TBK1: variants seen among roughly 807,000 people sequenced by gnomAD.
TBK1 encodes TANK binding kinase 1.
In TBK1, 37 loss-of-function variants were observed where a neutral mutation model predicts 99.9. That is an observed-to-expected ratio of 0.37 (90% CI 0.28 to 0.49). The LOEUF is 0.49. Ranked by LOEUF, TBK1 falls within the 20% of genes least tolerant of loss-of-function variation. The probability of loss-of-function intolerance (pLI) is 0.98; values close to 1 mark genes in which losing one functional copy is unlikely to be tolerated. For missense variants in TBK1, 644 were observed against 872.5 expected (o/e 0.74, Z 3.30); for synonymous variants, 258 against 279.8 (o/e 0.92, Z 0.78).
rs756545042 is a variant in TBK1, at chr12:64,455,883, T to A, written c.13T>A (p.Ser5Thr). 1.9e-6 allele frequency: 3 copies of A among 1,612,992 alleles called. No individual in the cohort carries two copies. The highest frequency in any genetic ancestry group is 8.5e-7 in the Non-Finnish European group (1 of 1,179,712). ...TGATCCAGCCAAGATGCAGAGCACT[T>A]CTAATCATCTGTGGCTTTTATCTGA... MQST[S>T]NHLWLLSDIL... is the part of the protein sequence containing the mutation. Residue 5 changes from serine (S) to threonine (T), a missense_variant, in exon 2 of 21, where the codon TCT becomes ACT. Around this residue, in one of 3 missense-constraint regions of TBK1, gnomAD observed 148 missense variants for 202.1 expected, o/e 0.73. Coordinates refer to ENST00000331710, the MANE Select transcript of TBK1 (RefSeq NM_013254.4).
chr12:64,497,922 C>A, intron 19 of TBK1, 46 bp from the exon 20 acceptor site: 1 of 1,546,290 alleles, frequency 6.5e-7, no homozygotes, highest in Non-Finnish European at 8.9e-7. Context: ...CATTCTAAAA[C>A]ATTTGCATAC....
rs1413819469 is a variant in TBK1 at position 64,484,508 on chromosome 12, G to A, written c.1189+9G>A. On this transcript the variant is annotated intron_variant, in intron 9 of 20. Coordinates refer to ENST00000331710, the MANE Select transcript of TBK1 (RefSeq NM_013254.4). The stretch of plus-strand genomic sequence containing the variant: ...ATTAATATATGAAAAAAGTAAGTTG[G>A]GATTTTTCTTGTCGTTCTTACTAGC... 6.3e-7 allele frequency: 1 copy of A among 1,590,820 alleles called. No individual in the cohort carries two copies. Among genetic ancestry groups the A allele is most frequent in the African/African-American group, 1.4e-5 (1 of 73,500 alleles).
Position 64,481,920 on chromosome 12 carries a change from G to GT in TBK1, c.897dup (p.Ala300CysfsTer4), listed in dbSNP as rs1158420427. 2.5e-6 allele frequency: 4 copies of GT among 1,612,210 alleles called. No individual in the cohort carries two copies. The highest frequency in any genetic ancestry group is 3.4e-6 in the Non-Finnish European group (4 of 1,179,210). On this transcript the variant is annotated frameshift_variant, in exon 8 of 21. Coordinates refer to ENST00000331710, the MANE Select transcript of TBK1 (RefSeq NM_013254.4). LOFTEE classifies it high-confidence loss of function. ...AGGAAAAGTGTTGGGGTTTTGACCA[G>GT]TTTTTTGCAGAAACTAGTGATATAC...
chr12:64,478,133 T>C (rs2040734055), intron 6 of TBK1, among the ~76,000 whole-genome samples: 1 of 152,158 alleles, frequency 6.6e-6, no homozygotes, highest in African/African-American at 2.4e-5. Flanking sequence ...CCTTTATATA[T>C]TTGGCCCTAT....
chr12:64,481,452 A>G (rs1352709301), intron 7 of TBK1, among the ~76,000 whole-genome samples: 1 of 152,162 alleles, frequency 6.6e-6, no homozygotes, highest in Non-Finnish European at 1.5e-5. Context: ...CAGCCGTGAA[A>G]ACAACTACCA....
intron 5 of TBK1, among the ~76,000 whole-genome samples, chr12:64,469,239 C>T (rs1451173746): frequency 1.3e-5 from 2 of 151,958 alleles, no homozygotes; most frequent in African/African-American, 4.8e-5. Context: ...AGGACTCAGA[C>T]GTTTCTGGCG....
rs768072937 is a variant in TBK1, at chr12:64,501,430, CGCTTGG to C, written c.*52_*57del. On this transcript the variant is annotated 3_prime_UTR_variant, in exon 21 of 21. Transcript: ENST00000331710. ...AGTTTCCGTTTGCACAAGAAAATAACGCTTGGGCATTAAATGAATGCCTTTATAGAT... is the reference window on the plus strand; with the variant it reads ...AGTTTCCGTTTGCACAAGAAAATAACGCATTAAATGAATGCCTTTATAGAT... 1 of 1,579,934 alleles carries C rather than the reference CGCTTGG, an allele frequency of 6.3e-7. No homozygotes were observed. Among genetic ancestry groups the C allele is most frequent in the Non-Finnish European group, 8.7e-7 (1 of 1,154,424 alleles).
intron 3 of TBK1, among the ~76,000 whole-genome samples, chr12:64,462,231 C>G (rs1296588013): frequency 1.3e-5 from 2 of 152,202 alleles, no homozygotes; most frequent in African/African-American, 4.8e-5. Flanking sequence ...GGCCAGAGAT[C>G]ACTGTCCAGT....
intron 8 of TBK1, among the ~76,000 whole-genome samples, chr12:64,483,273 T>A (rs4075094): frequency 0.15 from 22,263 of 152,174 alleles, 1,935 homozygotes; most frequent in African/African-American, 0.23. Context: ...ATAAATATAT[T>A]CATTTCCTAT....
In TBK1 at chr12:64,490,136, T is replaced by C; in HGVS notation, c.1521+17T>C. On this transcript the variant is annotated intron_variant, in intron 13 of 20. Transcript: ENST00000331710. Reference sequence around the variant, plus strand: ...TTGTTGAGAGTAAGTGTTTACAAAATTACGAAATTTGTAAGCTCATAACCT... The same window carrying C: ...TTGTTGAGAGTAAGTGTTTACAAAACTACGAAATTTGTAAGCTCATAACCT... The C allele has an allele frequency of 6.3e-7, 1 of 1,582,650 alleles. No homozygotes were observed. Among genetic ancestry groups the C allele is most frequent in the Non-Finnish European group, 8.6e-7 (1 of 1,157,938 alleles).
chr12:64,454,499 G>A (rs796821322), intron 1 of TBK1, among the ~76,000 whole-genome samples: 17 of 151,904 alleles, frequency 1.1e-4, no homozygotes, highest in African/African-American at 3.4e-4. Context: ...CGCCCGCCTC[G>A]GCCTCCCAGA....
chr12:64,497,835 A>T, intron 19 of TBK1, 81 bp downstream of exon 19: 4 of 1,420,552 alleles, frequency 2.8e-6, no homozygotes, highest in Non-Finnish European at 2.9e-6. Flanking sequence ...ACATTTTGAA[A>T]TTTTTTATGT....
chr12:64,477,627 A>G (rs951304078), intron 6 of TBK1, among the ~76,000 whole-genome samples: 2 of 152,234 alleles, frequency 1.3e-5, no homozygotes, highest in Non-Finnish European at 2.9e-5. Context: ...CTGTTTTCCT[A>G]TTTGAATGCC....
chr12:64,459,085 A>G (rs945721950), intron 2 of TBK1, among the ~76,000 whole-genome samples: 1 of 152,170 alleles, frequency 6.6e-6, no homozygotes, highest in African/African-American at 2.4e-5. Flanking sequence ...GAATCTGAGG[A>G]AAGTATAAAG....
intron 8 of TBK1, 183 bp from the exon 9 acceptor site, chr12:64,484,120 T>C (rs1184812410): frequency 1.1e-5 from 5 of 470,376 alleles, no homozygotes; most frequent in African/African-American, 9.9e-5. Flanking sequence ...TAGAATTGCT[T>C]ACTGTATGGA....
intron 6 of TBK1, among the ~76,000 whole-genome samples, chr12:64,477,081 T>C (rs555691104): frequency 5.9e-5 from 9 of 152,354 alleles, no homozygotes; most frequent in African/African-American, 2.2e-4. Flanking sequence ...CTCTGCAGTA[T>C]AGTTTGAAGT....
intron 16 of TBK1, 118 bp from the exon 17 acceptor site, chr12:64,496,831 T>G: frequency 1.5e-6 from 1 of 676,074 alleles, no homozygotes. Flanking sequence ...CCTGTAAATA[T>G]TCTAAAGCCA....
intron 11 of TBK1, among the ~76,000 whole-genome samples, chr12:64,487,817 G>C (rs2040833823): frequency 6.6e-6 from 1 of 152,150 alleles, no homozygotes; most frequent in African/African-American, 2.4e-5. Context: ...ACAAAAAGCA[G>C]GCCTCAAGTC....
chr12:64,473,095 C>G lies in TBK1; in HGVS notation c.541-1135C>G, dbSNP rs554714536. ...CCTGATAGGTTTCGGGTGTGAGCAG[C>G]TAGATATGTGGTGGTATTGTTTACT... On this transcript the variant is annotated intron_variant, in intron 5 of 20. Coordinates refer to ENST00000331710, the MANE Select transcript of TBK1 (RefSeq NM_013254.4). Among the ~76,000 whole-genome samples, 20 of 152,226 alleles carry G rather than the reference C, an allele frequency of 1.3e-4. No individual in the cohort carries two copies. In the East Asian group the frequency reaches 3.7e-3, roughly 28 times the overall value.
Sources: gnomAD v4.1 joint callset for allele counts (sites outside exome capture counted in the v4.1 genomes callset) on GRCh38, gnomAD v4.1.1 for gene constraint, gnomAD v4.1.1 regional missense constraint, MANE v1.5 for transcripts, NCBI Gene and HGNC (gene_info 2026-07-23, HGNC 2026-07-21) for gene names.